Variants in SLC25A20 observed in about 807,000 individuals in gnomAD.
The protein encoded by SLC25A20 is solute carrier family 25 member 20.
SLC25A20 carries 29 observed loss-of-function variants against 39.7 expected under a neutral mutation model. The ratio of observed to expected loss-of-function variants is 0.73; its 90% CI spans 0.54 to 1.00. The LOEUF is 1.00. Ranked by LOEUF, SLC25A20 falls within the 50% of genes least tolerant of loss-of-function variation. SLC25A20 has a pLI of 0.00. For synonymous variants in SLC25A20, 103 were observed against 142.2 expected (o/e 0.72, Z 1.96); for missense variants, 333 against 379.9 (o/e 0.88, Z 1.03).
At chr3:48,881,017 A>AC (rs1364254781) in intron 3 of SLC25A20, among the ~76,000 whole-genome samples, 2 of 152,096 alleles carry the variant, frequency 1.3e-5, no homozygotes, top group Non-Finnish European at 2.9e-5. Flanking sequence ...TGCACTCTTG[A>AC]CCCCAAGCCT....
chr3:48,859,704 A>C, intron 5 of SLC25A20, 77 bp from the exon 6 acceptor site: 36 of 1,152,580 alleles, frequency 3.1e-5, no homozygotes, highest in Non-Finnish European at 4.3e-5. Context: ...CTGTAATCTC[A>C]GCAATTTAGG....
At chr3:48,858,891 TAC>T (rs1181877047) in intron 7 of SLC25A20, among the ~76,000 whole-genome samples, 199 bp downstream of exon 7, 1 of 152,170 alleles carries the variant, frequency 6.6e-6, no homozygotes, top group East Asian at 1.9e-4. Flanking sequence ...TTATCACACT[TAC>T]CTTGTGTTTA....
intron 8 of SLC25A20, 88 bp from the exon 9 acceptor site, chr3:48,857,860 G>A: frequency 8.2e-7 from 1 of 1,223,732 alleles, no homozygotes; most frequent in East Asian, 2.4e-5. Context: ...GGCCCTGTCA[G>A]GACCAGAGCC....
chr3:48,885,317 T>TAGAC (rs1172212168), intron 2 of SLC25A20, among the ~76,000 whole-genome samples: 2 of 151,574 alleles, frequency 1.3e-5, no homozygotes, highest in Non-Finnish European at 2.9e-5. Flanking sequence ...AATAAATAAT[T>TAGAC]AGACAGACAG....
intron 1 of SLC25A20, among the ~76,000 whole-genome samples, chr3:48,895,378 G>T (rs2083903468): frequency 6.6e-6 from 1 of 152,192 alleles, no homozygotes; most frequent in African/African-American, 2.4e-5. Context: ...CCAACCTCAG[G>T]TGATCTGCCC....
intron 4 of SLC25A20, among the ~76,000 whole-genome samples, chr3:48,872,570 G>A (rs1442083467): frequency 1.3e-5 from 2 of 151,756 alleles, no homozygotes; most frequent in Non-Finnish European, 2.9e-5. Flanking sequence ...ACAAAAATTG[G>A]TCAGGCGTGG....
intron 1 of SLC25A20, among the ~76,000 whole-genome samples, 157 bp from the exon 2 acceptor site, chr3:48,892,229 T>A (rs554733213): frequency 1.2e-4 from 19 of 152,340 alleles, no homozygotes; most frequent in Middle Eastern, 3.4e-3. Flanking sequence ...TCTCTTTCAT[T>A]TCATTAGTAC....
intron 1 of SLC25A20, among the ~76,000 whole-genome samples, chr3:48,893,066 A>C (rs2083888610): frequency 6.6e-6 from 1 of 151,190 alleles, no homozygotes; most frequent in African/African-American, 2.4e-5. Context: ...TCACTCTGTC[A>C]CTCAGGCTGG....
At chr3:48,887,845 G>A (rs1194211191) in intron 2 of SLC25A20, among the ~76,000 whole-genome samples, 1 of 152,046 alleles carries the variant, frequency 6.6e-6, no homozygotes, top group Non-Finnish European at 1.5e-5. Flanking sequence ...GGAGGTTGCA[G>A]TGGGCTGAGA....
In SLC25A20 at chr3:48,857,488, C is replaced by T. The variant is rs970136675; in HGVS notation, c.*222G>A. 1 of 571,596 alleles carries T rather than the reference C, an allele frequency of 1.7e-6. No homozygotes were observed. Among genetic ancestry groups the T allele is most frequent in the East Asian group, 3.0e-5 (1 of 32,898 alleles). The allele number at this position is 571,596 out of a possible 1,614,324, so 35.4% of individuals were successfully genotyped here. On this transcript the variant is annotated 3_prime_UTR_variant, in exon 9 of 9. Coordinates refer to ENST00000319017, the MANE Select transcript of SLC25A20 (RefSeq NM_000387.6). The stretch of plus-strand genomic sequence containing the variant: ...TTCCATTTCCAAATCCTTTTAAGAT[C>T]CCTTAAATTGATAAGAATGAATTCA...
Position 48,884,044 on chromosome 3 carries a change from A to G in SLC25A20, c.279T>C (p.Phe93=), listed in dbSNP as rs764937492. 3.1e-6 allele frequency: 5 copies of G among 1,614,010 alleles called. No homozygotes were observed. Among genetic ancestry groups the G allele is most frequent in the Non-Finnish European group, 4.2e-6 (5 of 1,179,952 alleles). Residue 93 remains phenylalanine, a synonymous_variant, in exon 3 of 9, where the codon TTT becomes TTC. Transcript: ENST00000319017. The stretch of plus-strand genomic sequence containing the variant: ...TCTGTTGTAGTTTCTTCCCCAAACC[A>G]AACCCAAAGAAGCACACGGCAAACA... ...TPMFAVCFFG[F]GLGKKLQQKH...
At chr3:48,865,160 G>C (rs1276676474) in intron 4 of SLC25A20, among the ~76,000 whole-genome samples, 1 of 150,102 alleles carries the variant, frequency 6.7e-6, no homozygotes, top group African/African-American at 2.5e-5. Flanking sequence ...ACGGAGTCTT[G>C]CTCTGTCACC....
At chr3:48,878,274 ATATATATAT>A (rs1559668671) in intron 4 of SLC25A20, among the ~76,000 whole-genome samples, 2 of 115,294 alleles carry the variant, frequency 1.7e-5, no homozygotes, top group Non-Finnish European at 3.4e-5. Context: ...AAAAAAAAAA[ATATATATAT>A]ATATATATAT....
chr3:48,891,567 C>A (rs376440366), intron 2 of SLC25A20, among the ~76,000 whole-genome samples: 2 of 151,926 alleles, frequency 1.3e-5, no homozygotes, highest in African/African-American at 4.8e-5. Flanking sequence ...AGATGACACT[C>A]TCTACATGTT....
intron 2 of SLC25A20, among the ~76,000 whole-genome samples, chr3:48,887,961 C>T (rs867548811): frequency 9.9e-5 from 15 of 151,936 alleles, no homozygotes; most frequent in Non-Finnish European, 2.2e-4. Flanking sequence ...GTAATTCCAG[C>T]GCTTTGGGAG....
chr3:48,872,242 T>G (rs996892633), intron 4 of SLC25A20, among the ~76,000 whole-genome samples: 4 of 151,800 alleles, frequency 2.6e-5, no homozygotes, highest in Non-Finnish European at 5.9e-5. Context: ...GCAATTCTCC[T>G]GCCTCAACCT....
At chr3:48,858,666 A>C (rs748941583) in intron 7 of SLC25A20, 35 bp from the exon 8 acceptor site, 2 of 1,613,948 alleles carry the variant, frequency 1.2e-6, no homozygotes, top group Non-Finnish European at 8.5e-7. Flanking sequence ...AGGCTTCAGG[A>C]AGGAGAAACT....
intron 2 of SLC25A20, among the ~76,000 whole-genome samples, chr3:48,889,701 T>G (rs564661092): frequency 6.6e-6 from 1 of 152,272 alleles, no homozygotes; most frequent in African/African-American, 2.4e-5. Flanking sequence ...GGCAACAGAC[T>G]GAAGGCACAA....
chr3:48,862,427 A>C (rs2083635080), intron 5 of SLC25A20, 115 bp downstream of exon 5: 1 of 765,474 alleles, frequency 1.3e-6, no homozygotes, highest in Admixed American at 1.8e-5. Flanking sequence ...GTATTGTCAG[A>C]GATGTGACAT....
Sources: allele counts gnomAD v4.1 joint callset (sites outside exome capture counted in the v4.1 genomes callset), GRCh38; gene constraint gnomAD v4.1.1; transcripts MANE v1.5; gene names NCBI Gene and HGNC (gene_info 2026-07-23, HGNC 2026-07-21).